Variants in GMEB1 observed in about 807,000 individuals in gnomAD.
GMEB1 encodes the protein glucocorticoid modulatory element-binding protein 1.
GMEB1 carries 6 observed loss-of-function variants against 52.4 expected under a neutral mutation model. The ratio of observed to expected loss-of-function variants is 0.11; its 90% CI spans 0.06 to 0.23. The LOEUF (loss-of-function observed/expected upper bound fraction) is 0.23, where lower values mean the gene tolerates loss of function less well. GMEB1 is among the 10% of genes least tolerant of loss of function. The pLI, the probability that GMEB1 is intolerant of heterozygous loss-of-function variation, is 1.00. For missense variants in GMEB1, 486 were observed against 685.6 expected (o/e 0.71, Z 3.25); for synonymous variants, 255 against 244.9 (o/e 1.04, Z -0.38).
chr1:28,714,054 CTT>C lies in GMEB1; in HGVS notation c.992-16_992-15del. 1 of 1,581,180 alleles carries C rather than the reference CTT, an allele frequency of 6.3e-7. No homozygotes were observed. The highest frequency in any genetic ancestry group is 8.7e-7 in the Non-Finnish European group (1 of 1,155,864). On this transcript the variant is annotated splice_polypyrimidine_tract_variant and intron_variant, in intron 9 of 9. Transcript: ENST00000373816. ...GATTTTACTTCCCTCTACACAAAGTCTTTTCTTTTTTTCCATAGACTTGGAAC... is the reference window on the plus strand; with the variant it reads ...GATTTTACTTCCCTCTACACAAAGTCTTCTTTTTTTCCATAGACTTGGAAC...
At chr1:28,689,989 T>C in intron 2 of GMEB1, 115 bp from the exon 3 acceptor site, 1 of 650,930 alleles carries the variant, frequency 1.5e-6, no homozygotes, top group South Asian at 2.1e-5. Context: ...TTATAAAGTA[T>C]ATTTATTTTA....
At chr1:28,687,419 A>C (rs1669732081) in intron 2 of GMEB1, among the ~76,000 whole-genome samples, 1 of 146,402 alleles carries the variant, frequency 6.8e-6, no homozygotes, top group African/African-American at 2.5e-5. Context: ...ATGTTCTGGG[A>C]AGTGGCAGAA....
At chr1:28,679,536 G>C (rs1669302157) in intron 1 of GMEB1, among the ~76,000 whole-genome samples, 1 of 152,102 alleles carries the variant, frequency 6.6e-6, no homozygotes, top group African/African-American at 2.4e-5. Context: ...GTAATATCTT[G>C]CAGTTAATTT....
intron 8 of GMEB1, among the ~76,000 whole-genome samples, chr1:28,705,224 A>G (rs2124565517): frequency 6.6e-6 from 1 of 150,940 alleles, no homozygotes; most frequent in South Asian, 2.1e-4. Flanking sequence ...ACCTGTCTCC[A>G]CTAAAAATAT....
intron 2 of GMEB1, 40 bp from the exon 3 acceptor site, chr1:28,690,064 A>T: frequency 7.0e-7 from 1 of 1,431,274 alleles, no homozygotes; most frequent in Non-Finnish European, 9.7e-7. Flanking sequence ...TTTTTTCATG[A>T]TTTATGTAGT....
chr1:28,673,974 T>C (rs1669019216), intron 1 of GMEB1, among the ~76,000 whole-genome samples: 1 of 151,828 alleles, frequency 6.6e-6, no homozygotes, highest in Non-Finnish European at 1.5e-5. Flanking sequence ...GATGAAACCC[T>C]GTCTCTACTA....
chr1:28,709,402 G>A (rs1013318105), intron 8 of GMEB1, among the ~76,000 whole-genome samples: 2 of 152,100 alleles, frequency 1.3e-5, no homozygotes, highest in Admixed American at 6.6e-5. Flanking sequence ...ATTTTGCAGA[G>A]TAAGTGTTAT....
In GMEB1 at chr1:28,706,260, C is replaced by CT. The variant is rs1670758442; in HGVS notation, c.868+1934dup. Among the ~76,000 whole-genome samples the CT allele has an allele frequency of 2.0e-5, 3 of 152,082 alleles. No individual in the cohort carries two copies. The South Asian group carries it at 6.2e-4, about 31-fold the overall frequency. ...GTTCACTTATAGCTGTTTCTGAATA[C>CT]TTTCAGGGTGCTGCTGTGCAGAATG... On this transcript the variant is annotated intron_variant, in intron 8 of 9. Transcript: ENST00000373816.
chr1:28,689,406 C>A (rs1291401547), intron 2 of GMEB1, among the ~76,000 whole-genome samples: 1 of 151,942 alleles, frequency 6.6e-6, no homozygotes, highest in Non-Finnish European at 1.5e-5. Context: ...GCAGGCGGAT[C>A]ACGAGGTCAG....
intron 8 of GMEB1, among the ~76,000 whole-genome samples, chr1:28,709,945 G>A (rs1261868401): frequency 4.6e-5 from 7 of 152,044 alleles, no homozygotes; most frequent in South Asian, 4.1e-4. Flanking sequence ...TCAGGAGTTC[G>A]AGACCAGCCT....
intron 6 of GMEB1, among the ~76,000 whole-genome samples, chr1:28,699,465 T>C (rs1184211735): frequency 1.3e-5 from 2 of 152,048 alleles, no homozygotes. Flanking sequence ...AATCTTGCTT[T>C]GTCACCCGGG....
intron 2 of GMEB1, chr1:28,689,813 G>A: frequency 4.0e-6 from 1 of 248,198 alleles, no homozygotes. Context: ...AAGTTATGAA[G>A]GGAAAAGTCT....
intron 8 of GMEB1, among the ~76,000 whole-genome samples, chr1:28,704,577 C>T (rs548370708): frequency 6.6e-6 from 1 of 152,060 alleles, no homozygotes; most frequent in East Asian, 1.9e-4. Context: ...GTCTGGGCAA[C>T]ATAGTGAGAT....
chr1:28,689,800 A>C (rs923111150), intron 2 of GMEB1: 7 of 225,010 alleles, frequency 3.1e-5, no homozygotes, highest in Non-Finnish European at 3.4e-5. Context: ...GATTTAAAAA[A>C]TAAAGTTATG....
In GMEB1 at chr1:28,717,199, T is replaced by C. The variant is rs1173744352; in HGVS notation, c.*2426T>C. Reference sequence around the variant, plus strand: ...GTAAGGTTGCTGTTTTTTTTTTTTTTTTCTTTTTGAGATGGAGTCTTGCTC... The same window carrying C: ...GTAAGGTTGCTGTTTTTTTTTTTTTCTTCTTTTTGAGATGGAGTCTTGCTC... On this transcript the variant is annotated 3_prime_UTR_variant, in exon 10 of 10. Transcript: ENST00000373816. 3 of 151,338 alleles carry C rather than the reference T, an allele frequency of 2.0e-5. No individual in the cohort carries two copies. Among genetic ancestry groups the C allele is most frequent in the Non-Finnish European group, 2.9e-5 (2 of 67,862 alleles). 9.4% of individuals were successfully genotyped at this position (151,338 alleles called of 1,614,324 possible). A position where few individuals can be genotyped will look rare whatever the true frequency, so the allele number is the denominator to read the frequency against.
intron 6 of GMEB1, among the ~76,000 whole-genome samples, chr1:28,699,196 T>A (rs1670376850): frequency 6.6e-6 from 1 of 152,098 alleles, no homozygotes; most frequent in African/African-American, 2.4e-5. Flanking sequence ...ATGAAACAGA[T>A]GAGCACACTT....
chr1:28,674,731 T>C (rs1669065955), intron 1 of GMEB1, among the ~76,000 whole-genome samples: 1 of 135,410 alleles, frequency 7.4e-6, no homozygotes, highest in Non-Finnish European at 1.6e-5. Context: ...TTTTTTTTTT[T>C]TTTTTGAGAC....
At chr1:28,699,088 A>G (rs1262295891) in intron 6 of GMEB1, among the ~76,000 whole-genome samples, 1 of 152,194 alleles carries the variant, frequency 6.6e-6, no homozygotes. Flanking sequence ...TATCAAAGAC[A>G]ATGTGATTGG....
chr1:28,697,162 CATATATATAT>C (rs71586855), intron 6 of GMEB1, 78 bp downstream of exon 6: 3,693 of 148,872 alleles, frequency 0.025, 221 homozygotes, highest in African/African-American at 0.14. Flanking sequence ...CTTGTGTGTA[CATATATATAT>C]ATATATATAT....
Sources: allele counts gnomAD v4.1 joint callset (sites outside exome capture counted in the v4.1 genomes callset), GRCh38; gene constraint gnomAD v4.1.1; transcripts MANE v1.5; gene names NCBI Gene and HGNC (gene_info 2026-07-23, HGNC 2026-07-21).